The following ZNF44 variants were observed in gnomAD, a reference collection of about 807,000 sequenced individuals.
ZNF44 encodes zinc finger protein 44, also known as gonadotropin inducible transcription repressor-2.
In ZNF44, 9 loss-of-function variants were observed where a neutral mutation model predicts 11.7. That is an observed-to-expected ratio of 0.77 (90% CI 0.46 to 1.35). The LOEUF is 1.35. Ranked by LOEUF, ZNF44 falls within the 40% of genes most tolerant of loss-of-function variation. The pLI is 0.00. For synonymous variants in ZNF44, 224 were observed against 242.7 expected, an observed-to-expected ratio of 0.92 and a Z score of 0.72; for missense variants, 696 against 743.1, an observed-to-expected ratio of 0.94 and a Z score of 0.74.
chr19:12,247,038 T>G (rs1485480862), downstream of ZNF44, among the ~76,000 whole-genome samples: 8 of 151,256 alleles, frequency 5.3e-5, no homozygotes, highest in East Asian at 1.5e-3. Context: ...TATATAAAAA[T>G]ATTTTAAAAT....
exon 8 of ZNF44, chr19:12,248,230 T>G: frequency 7.7e-7 from 1 of 1,303,088 alleles, no homozygotes; most frequent in South Asian, 1.2e-5. Flanking sequence ...TTTTCATGTT[T>G]TTGAGCAGAT....
chr19:12,243,472 AGGT>A (rs1349557315), downstream of ZNF44, among the ~76,000 whole-genome samples: 1 of 152,214 alleles, frequency 6.6e-6, no homozygotes. Context: ...AGTGTCCACC[AGGT>A]TTATTCATGT....
intron 5 of ZNF44, among the ~76,000 whole-genome samples, chr19:12,251,619 C>A (rs2145692248): frequency 6.6e-6 from 1 of 152,292 alleles, no homozygotes; most frequent in East Asian, 1.9e-4. Context: ...CTCTACACTT[C>A]TGAGCCTCAG....
chr19:12,246,051 G>T (rs1345779649), downstream of ZNF44, among the ~76,000 whole-genome samples: 1 of 152,158 alleles, frequency 6.6e-6, no homozygotes, highest in Admixed American at 6.6e-5. Flanking sequence ...GCCCTCATTT[G>T]TCCCTATGCA....
At chr19:12,257,698 G>T (rs1033684091) in intron 5 of ZNF44, among the ~76,000 whole-genome samples, 2 of 151,856 alleles carry the variant, frequency 1.3e-5, no homozygotes, top group African/African-American at 4.8e-5. Flanking sequence ...CTACCTGGGA[G>T]GCTGAGGCAG....
intron 3 of ZNF44, among the ~76,000 whole-genome samples, chr19:12,229,161 A>C (rs1916049965): frequency 6.6e-6 from 1 of 152,210 alleles, no homozygotes; most frequent in Non-Finnish European, 1.5e-5. Flanking sequence ...ACACATATAT[A>C]ACCACACAGA....
exon 8 of ZNF44, chr19:12,248,480 C>T (rs1183969232): frequency 7.7e-7 from 1 of 1,290,904 alleles, no homozygotes; most frequent in East Asian, 5.5e-5. Context: ...GACACTTATA[C>T]AGTTTGTGTC....
At chr19:12,256,873 T>A (rs1262171605) in intron 5 of ZNF44, among the ~76,000 whole-genome samples, 1 of 151,590 alleles carries the variant, frequency 6.6e-6, no homozygotes, top group Non-Finnish European at 1.5e-5. Flanking sequence ...CCGGGCAAAT[T>A]TTTGCATTTT....
chr19:12,242,630 AATATAGTAAGACCT>A (rs971766361), downstream of ZNF44: 4 of 151,020 alleles, frequency 2.6e-5, no homozygotes, highest in African/African-American at 9.7e-5. Context: ...CTGTCTGGGC[AATATAGTAAGACCT>A]ATATAGTAAG....
chr19:12,293,303 C>A, intron 1 of ZNF44: 1 of 1,536,938 alleles, frequency 6.5e-7, no homozygotes, highest in Non-Finnish European at 8.7e-7. Flanking sequence ...GGGCCGATAT[C>A]CACTAGGCCC....
At position 12,294,788 on chromosome 19, in the gene ZNF44, T is replaced by C. The variant is rs186508515; in HGVS notation, c.-94A>G. 583 of 1,450,470 alleles carry C rather than the reference T, an allele frequency of 4.0e-4. 3 individuals carry two copies. In the African/African-American group the frequency reaches 7.4e-3, roughly 18 times the overall value. 89.8% of individuals were successfully genotyped at this position (1,450,470 alleles called of 1,614,324 possible). A position where few individuals can be genotyped will look rare whatever the true frequency, so the allele number is the denominator to read the frequency against. On this transcript the variant is annotated 5_prime_UTR_variant, in exon 1 of 4. Transcript: ENST00000355684. ...GCCACCACAGATGTCCCAGGGCGTC[T>C]CTCAGTGACAGAATACGGAACAGAG...
chr19:12,239,546 G>A (rs191061352), upstream of ZNF44, among the ~76,000 whole-genome samples: 35 of 146,378 alleles, frequency 2.4e-4, no homozygotes, highest in East Asian at 1.8e-3. Context: ...GTGAGCCACC[G>A]AGCAAGCCCA....
At chr19:12,247,440 TA>T (rs753647452), downstream of ZNF44, 1 of 1,328,004 alleles carries the variant, frequency 7.5e-7, no homozygotes, top group South Asian at 1.2e-5. Context: ...TTTACATTCA[TA>T]GGGTTTCTCT....
At chr19:12,254,504 G>T (rs867637741) in intron 5 of ZNF44, among the ~76,000 whole-genome samples, 4 of 152,112 alleles carry the variant, frequency 2.6e-5, no homozygotes, top group Non-Finnish European at 2.9e-5. Flanking sequence ...AGGCCAAGGT[G>T]GGCCGACTGC....
intron 2 of ZNF44, among the ~76,000 whole-genome samples, chr19:12,233,952 C>A (rs375312477): frequency 6.6e-6 from 1 of 151,756 alleles, no homozygotes; most frequent in Non-Finnish European, 1.5e-5. Context: ...ATCCCAGCTA[C>A]GCAGGAGGTT....
chr19:12,238,436 C>T (rs186202124), upstream of ZNF44, among the ~76,000 whole-genome samples: 2 of 152,128 alleles, frequency 1.3e-5, no homozygotes, highest in Admixed American at 1.3e-4. Flanking sequence ...ACTATCCTGG[C>T]CAACATGGTG....
At chr19:12,294,459 C>T (rs1277457804) in intron 1 of ZNF44, among the ~76,000 whole-genome samples, 1 of 152,232 alleles carries the variant, frequency 6.6e-6, no homozygotes, top group African/African-American at 2.4e-5. Flanking sequence ...AGAGGGGCGC[C>T]GGGGCCGGGG....
At chr19:12,235,178 G>C (rs1021114035) in intron 1 of ZNF44, among the ~76,000 whole-genome samples, 2 of 152,012 alleles carry the variant, frequency 1.3e-5, no homozygotes, top group Non-Finnish European at 2.9e-5. Flanking sequence ...AGACATCCTG[G>C]CTAACAGGGT....
At chr19:12,294,598 G>C (rs537660524) in intron 1 of ZNF44, 94 bp downstream of exon 1, 55 of 1,501,734 alleles carry the variant, frequency 3.7e-5, no homozygotes, top group Non-Finnish European at 4.6e-5. Flanking sequence ...CCCCAAAGAC[G>C]CTGCGGCGAG....
Sources: allele counts gnomAD v4.1 joint callset (sites outside exome capture counted in the v4.1 genomes callset), GRCh38; gene constraint gnomAD v4.1.1; transcripts MANE v1.5; gene names NCBI Gene and HGNC (gene_info 2026-07-23, HGNC 2026-07-21).